Variants in DCC observed in about 807,000 individuals in gnomAD.
DCC encodes the protein DCC netrin 1 receptor, also known as netrin receptor DCC.
In DCC, 58 loss-of-function variants were observed where a neutral mutation model predicts 172.5. The observed-to-expected ratio is 0.34, with a 90% confidence interval of 0.27 to 0.42. The LOEUF is 0.42. Ranked by LOEUF, DCC falls within the 10% of genes least tolerant of loss-of-function variation. DCC has a pLI of 1.00. For missense variants in DCC, 1,740 were observed against 1,791.0 expected (o/e 0.97, Z 0.51); for synonymous variants, 709 against 644.5 (o/e 1.10, Z -1.52).
At chr18:53,479,362 T>A (rs1430738328) in intron 25 of DCC, among the ~76,000 whole-genome samples, 1 of 152,232 alleles carries the variant, frequency 6.6e-6, no homozygotes, top group Admixed American at 6.5e-5. Flanking sequence ...CAATTCATTA[T>A]GCATTATGCA....
chr18:53,503,645 T>C lies in DCC; in HGVS notation c.4111+4135T>C, dbSNP rs79483107. On this transcript the variant is annotated intron_variant, in intron 27 of 28. Transcript: ENST00000442544. ...GTGTGTGGGTTTTTTTCTTCTTTAC[T>C]AGTTAAAATTCCTTTTAGTGATCAG... 6.8e-4 allele frequency among the ~76,000 whole-genome samples: 104 copies of C among 152,312 alleles called. No individual in the cohort carries two copies. The East Asian group carries it at 0.017, about 26-fold the overall frequency.
intron 5 of DCC, among the ~76,000 whole-genome samples, chr18:53,038,981 A>T (rs574271582): frequency 5.1e-4 from 78 of 152,102 alleles, no homozygotes; most frequent in Middle Eastern, 6.8e-3. Context: ...ATTGTGTGTC[A>T]CCTAATCAGC....
intron 2 of DCC, among the ~76,000 whole-genome samples, chr18:52,818,703 G>C (rs1018709615): frequency 6.6e-6 from 1 of 152,136 alleles, no homozygotes; most frequent in Non-Finnish European, 1.5e-5. Flanking sequence ...TGGACTATCT[G>C]TACATTCCAC....
chr18:53,459,199 T>G (rs978407465), intron 23 of DCC, 33 bp from the exon 24 acceptor site: 3 of 1,508,678 alleles, frequency 2.0e-6, no homozygotes, highest in Non-Finnish European at 2.8e-6. Context: ...TGAATAGAGG[T>G]TCTCACATTT....
At chr18:52,392,283 A>G (rs913067295) in intron 1 of DCC, among the ~76,000 whole-genome samples, 1 of 152,174 alleles carries the variant, frequency 6.6e-6, no homozygotes. Flanking sequence ...ATAACAGAAA[A>G]TCCTCTATCT....
chr18:52,836,235 T>C (rs1179155188), intron 2 of DCC, among the ~76,000 whole-genome samples: 1 of 152,198 alleles, frequency 6.6e-6, no homozygotes, highest in African/African-American at 2.4e-5. Flanking sequence ...GAGATTTGCA[T>C]AGGGACATAG....
At chr18:52,652,595 A>C (rs1376619983) in intron 1 of DCC, among the ~76,000 whole-genome samples, 1 of 152,096 alleles carries the variant, frequency 6.6e-6, no homozygotes, top group Non-Finnish European at 1.5e-5. Flanking sequence ...GGCCCATTGG[A>C]ATGTTCAGTC....
At chr18:53,265,824 C>G (rs899118070) in intron 12 of DCC, among the ~76,000 whole-genome samples, 3 of 152,190 alleles carry the variant, frequency 2.0e-5, no homozygotes, top group African/African-American at 4.8e-5. Flanking sequence ...TGATCTTTCT[C>G]ATAAAATTAG....
intron 2 of DCC, among the ~76,000 whole-genome samples, chr18:52,904,776 C>A (rs1309513746): frequency 6.6e-6 from 1 of 152,080 alleles, no homozygotes; most frequent in Non-Finnish European, 1.5e-5. Flanking sequence ...TTTATTGTGA[C>A]ATGTGCATAA....
At chr18:52,497,355 A>ATT (rs71173401) in intron 1 of DCC, among the ~76,000 whole-genome samples, 4 of 113,138 alleles carry the variant, frequency 3.5e-5, no homozygotes, top group East Asian at 2.5e-4. Context: ...ATATATATAT[A>ATT]CACACATATA....
intron 2 of DCC, among the ~76,000 whole-genome samples, chr18:52,859,354 T>G (rs968850757): frequency 2.0e-5 from 3 of 152,098 alleles, no homozygotes; most frequent in African/African-American, 7.2e-5. Flanking sequence ...AAAAGAAGAT[T>G]CATTGAAAAA....
At chr18:52,839,058 CTTTAGAG>C (rs1224852890) in intron 2 of DCC, among the ~76,000 whole-genome samples, 1 of 152,072 alleles carries the variant, frequency 6.6e-6, no homozygotes, top group Non-Finnish European at 1.5e-5. Context: ...AAAAAAATAA[CTTTAGAG>C]TTTAGGCCAC....
intron 3 of DCC, among the ~76,000 whole-genome samples, chr18:52,916,913 A>G (rs1318477228): frequency 2.0e-5 from 3 of 152,040 alleles, no homozygotes; most frequent in Admixed American, 6.6e-5. Context: ...AAGAACTACC[A>G]CTATACTCAA....
At chr18:53,429,128 T>C (rs1599142013) in intron 21 of DCC, among the ~76,000 whole-genome samples, 3 of 107,158 alleles carry the variant, frequency 2.8e-5, no homozygotes, top group Admixed American at 2.8e-4. Flanking sequence ...TATATATATA[T>C]AAATATATAT....
intron 5 of DCC, among the ~76,000 whole-genome samples, chr18:53,041,948 C>T (rs2042174298): frequency 1.3e-5 from 2 of 152,034 alleles, no homozygotes; most frequent in Non-Finnish European, 2.9e-5. Context: ...ATGTCATCTG[C>T]AAACAGAGAT....
intron 23 of DCC, among the ~76,000 whole-genome samples, chr18:53,451,789 T>C (rs1280560832): frequency 4.6e-5 from 7 of 152,234 alleles, no homozygotes; most frequent in Admixed American, 1.3e-4. Context: ...TATTTGTAGA[T>C]CTCTAGTTTA....
At chr18:52,793,127 C>A (rs1365565087) in intron 2 of DCC, among the ~76,000 whole-genome samples, 2 of 152,174 alleles carry the variant, frequency 1.3e-5, no homozygotes, top group Admixed American at 1.3e-4. Context: ...GTAGGACCCA[C>A]AGATTGGTTT....
At chr18:53,370,669 C>T (rs62098039) in intron 15 of DCC, among the ~76,000 whole-genome samples, 9,770 of 151,786 alleles carry the variant, frequency 0.064, 422 homozygotes, top group Non-Finnish European at 0.097. Flanking sequence ...TTGTGATTTT[C>T]CAGTTTTACT....
chr18:52,976,974 G>A (rs1253059091), intron 5 of DCC, among the ~76,000 whole-genome samples: 1 of 152,128 alleles, frequency 6.6e-6, no homozygotes, highest in African/African-American at 2.4e-5. Context: ...GCGATAAATT[G>A]TTAATAAACA....
Sources: gnomAD v4.1 joint callset for allele counts (sites outside exome capture counted in the v4.1 genomes callset) on GRCh38, gnomAD v4.1.1 for gene constraint, MANE v1.5 for transcripts, NCBI Gene and HGNC (gene_info 2026-07-23, HGNC 2026-07-21) for gene names.